Variants in ALG13 observed in about 807,000 individuals in gnomAD.
ALG13 encodes the protein ALG13 UDP-N-acetylglucosaminyltransferase subunit, also known as UDP-N-acetylglucosamine transferase subunit ALG13.
ALG13 carries 11 observed loss-of-function variants against 87.8 expected under a neutral mutation model. That is an observed-to-expected ratio of 0.13 (90% CI 0.08 to 0.21). The LOEUF (loss-of-function observed/expected upper bound fraction) is 0.21. Ranked by LOEUF, ALG13 falls within the 10% of genes least tolerant of loss-of-function variation. ALG13 has a pLI of 1.00. For missense variants in ALG13, 756 were observed against 866.1 expected, an observed-to-expected ratio of 0.87 and a Z score of 1.60; for synonymous variants, 320 against 306.3, an observed-to-expected ratio of 1.04 and a Z score of -0.47.
intron 24 of ALG13, among the ~76,000 whole-genome samples, chrX:111,745,653 G>A (rs1944172746): frequency 9.1e-6 from 1 of 109,817 alleles, no homozygotes; most frequent in Admixed American, 9.8e-5. Flanking sequence ...AGCTAGCCTT[G>A]GCATCAGAAG....
At chrX:111,685,367 G>A (rs900226993) in intron 3 of ALG13, 5 of 226,975 alleles carry the variant, frequency 2.2e-5, no homozygotes, top group South Asian at 1.7e-4. Context: ...TTATTTAGGC[G>A]TGCATGTCTC....
intron 24 of ALG13, among the ~76,000 whole-genome samples, chrX:111,748,268 G>A (rs943157952): frequency 7.1e-5 from 8 of 111,979 alleles, no homozygotes; most frequent in African/African-American, 2.6e-4. Context: ...CTTTCACAGA[G>A]CAGATGTTTT....
rs753556936 is a variant in ALG13 at position 111,711,720 on chromosome X, C to G, written c.880C>G (p.Pro294Ala). 11 of 1,202,944 alleles carry G rather than the reference C, an allele frequency of 9.1e-6. No homozygotes were observed. The Admixed American group carries it at 2.2e-4, about 24-fold the overall frequency. ...FEKYLERLGD[P>A]KESAGQLEIR... ...GAAATACCTGGAACGGTTGGGAGATCCCAAGGTAAGATCAAATATGGGGGT... is the reference window on the plus strand; with the variant it reads ...GAAATACCTGGAACGGTTGGGAGATGCCAAGGTAAGATCAAATATGGGGGT... Residue 294 changes from proline (P) to alanine (A), a missense_variant, in exon 6 of 27, where the codon CCC becomes GCC. Pro to Ala is a conservative substitution (Grantham distance 27). Transcript: ENST00000394780.
At chrX:111,756,922 G>A (rs1476193764) in intron 25 of ALG13, among the ~76,000 whole-genome samples, 2 of 111,783 alleles carry the variant, frequency 1.8e-5, no homozygotes, top group Non-Finnish European at 3.8e-5. Context: ...GTCACATGTG[G>A]AAACTTTGTA....
At chrX:111,753,141 CAAAAT>C (rs1293857527) in intron 25 of ALG13, 1 of 168,431 alleles carries the variant, frequency 5.9e-6, no homozygotes, top group Admixed American at 8.1e-5. Context: ...TGTTCTGTCT[CAAAAT>C]AAATGAATTA....
chrX:111,718,389 C>T, intron 10 of ALG13, 115 bp downstream of exon 10: 2 of 583,977 alleles, frequency 3.4e-6, no homozygotes, highest in African/African-American at 4.6e-5. Context: ...TTCACACGTA[C>T]ACATATGTTA....
intron 13 of ALG13, 123 bp from the exon 14 acceptor site, chrX:111,723,675 G>A: frequency 2.2e-6 from 1 of 448,367 alleles, no homozygotes; most frequent in East Asian, 4.1e-5. Context: ...ATCCAGACTG[G>A]CAGTGTTGAT....
In ALG13 at chrX:111,727,026, G is replaced by A. The variant is rs758659441; in HGVS notation, c.1947G>A (p.Pro649=). The change falls in exon 16 of 27, where the codon CCG becomes CCA. Residue 649 remains proline, a synonymous_variant. Coordinates refer to ENST00000394780, the MANE Select transcript of ALG13 (RefSeq NM_001099922.3). ...ATTTTCATCCTCAGCATCCATCTCC[G>A]AGACAAGGTCGGGGATATGGGATGC... is the stretch of plus-strand genomic sequence containing the variant. ...NEHFHPQHPS[P]RQGRGYGMPR... is the part of the protein sequence containing the mutation. 8 of 1,209,277 alleles carry A rather than the reference G, an allele frequency of 6.6e-6. No homozygotes were observed. The highest frequency in any genetic ancestry group is 2.2e-5 in the Admixed American group (1 of 45,738).
chrX:111,682,115 C>G lies in ALG13; in HGVS notation c.82-17C>G. The stretch of plus-strand genomic sequence containing the variant: ...AGCCAGTTTAAAAGGCCCTCACATT[C>G]TGATTTCCTCTTTCAGAAAATCGAG... On this transcript the variant is annotated splice_polypyrimidine_tract_variant and intron_variant, in intron 1 of 26. Transcript: ENST00000394780. 3 of 1,161,848 alleles carry G rather than the reference C, an allele frequency of 2.6e-6. No individual in the cohort carries two copies. The highest frequency in any genetic ancestry group is 3.4e-6 in the Non-Finnish European group (3 of 871,550).
chrX:111,743,085 A>C (rs1602874775), intron 23 of ALG13, among the ~76,000 whole-genome samples: 1 of 110,892 alleles, frequency 9.0e-6, no homozygotes, highest in Admixed American at 9.6e-5. Context: ...AATTGTGTCT[A>C]CTCTTGATTC....
intron 3 of ALG13, among the ~76,000 whole-genome samples, chrX:111,700,600 G>A (rs773308123): frequency 1.0e-5 from 1 of 100,347 alleles, no homozygotes; most frequent in East Asian, 3.3e-4. Context: ...TTTTTGAGAT[G>A]GAGTCTCACC....
intron 26 of ALG13, among the ~76,000 whole-genome samples, chrX:111,758,165 T>C (rs1403892149): frequency 8.9e-6 from 1 of 112,119 alleles, no homozygotes; most frequent in African/African-American, 3.2e-5. Context: ...ACTAAATTTT[T>C]ATCCTTGAAT....
intron 21 of ALG13, 65 bp downstream of exon 21, chrX:111,730,645 A>G (rs924828993): frequency 2.4e-6 from 2 of 833,849 alleles, no homozygotes; most frequent in Non-Finnish European, 1.7e-6. Flanking sequence ...GTTAAGAGCT[A>G]TACATATAAA....
intron 3 of ALG13, among the ~76,000 whole-genome samples, chrX:111,700,140 G>A (rs1363864815): frequency 1.0e-5 from 1 of 96,671 alleles, no homozygotes; most frequent in African/African-American, 3.9e-5. Flanking sequence ...AGTATTTGTT[G>A]CTATTGCTAT....
intron 12 of ALG13, among the ~76,000 whole-genome samples, chrX:111,722,265 T>C (rs202151028): frequency 8.9e-6 from 1 of 112,189 alleles, no homozygotes; most frequent in East Asian, 2.8e-4. Context: ...TCTGGCTCTT[T>C]ATGGAAAAAG....
intron 2 of ALG13, 83 bp from the exon 3 acceptor site, chrX:111,684,882 A>C: frequency 1.0e-6 from 1 of 984,399 alleles, no homozygotes; most frequent in Non-Finnish European, 1.4e-6. Context: ...AAGTTTTTTA[A>C]CTTTTGATTT....
chrX:111,742,972 T>C (rs374705712), intron 23 of ALG13, among the ~76,000 whole-genome samples: 1 of 112,230 alleles, frequency 8.9e-6, no homozygotes, highest in African/African-American at 3.2e-5. Context: ...GAGAAGCTCA[T>C]GCATCTCTAT....
At chrX:111,687,667 G>C (rs752147616) in intron 3 of ALG13, among the ~76,000 whole-genome samples, 1 of 112,340 alleles carries the variant, frequency 8.9e-6, no homozygotes, top group Admixed American at 9.5e-5. Context: ...TGACATAGGA[G>C]ATAAGGTATC....
chrX:111,725,255 A>G (rs1001256820), intron 15 of ALG13, among the ~76,000 whole-genome samples, 194 bp downstream of exon 15: 3 of 112,032 alleles, frequency 2.7e-5, no homozygotes, highest in Admixed American at 9.4e-5. Context: ...AGGGTGCTTC[A>G]TAGCATCCCT....
Sources: gnomAD v4.1 joint callset for allele counts (sites outside exome capture counted in the v4.1 genomes callset) on GRCh38, gnomAD v4.1.1 for gene constraint, MANE v1.5 for transcripts, NCBI Gene and HGNC (gene_info 2026-07-23, HGNC 2026-07-21) for gene names.